B4GALT6: variants seen among roughly 807,000 people sequenced by gnomAD.
The protein encoded by B4GALT6 is UDP-Gal:beta-GlcNAc beta-1,4-galactosyltransferase 6.
A neutral mutation model predicts 46.3 loss-of-function variants in B4GALT6; 14 were observed. The ratio of observed to expected loss-of-function variants is 0.30; its 90% CI spans 0.20 to 0.47. The LOEUF (loss-of-function observed/expected upper bound fraction) is 0.47. Ranked by LOEUF, B4GALT6 falls within the 20% of genes least tolerant of loss-of-function variation. The pLI is 0.99. For synonymous variants in B4GALT6, 168 were observed against 162.0 expected, an observed-to-expected ratio of 1.04 and a Z score of -0.28; for missense variants, 386 against 480.1, an observed-to-expected ratio of 0.80 and a Z score of 1.83.
chr18:31,693,948 G>C, the B4GALT6 span, among the ~76,000 whole-genome samples: 4 of 152,198 alleles, frequency 2.6e-5, no homozygotes, highest in African/African-American at 4.8e-5. Flanking sequence ...GGGAGACAGA[G>C]TGAGGCTCTA....
chr18:31,661,395 G>A (rs188148139), intron 2 of B4GALT6, among the ~76,000 whole-genome samples: 5 of 152,158 alleles, frequency 3.3e-5, no homozygotes, highest in Non-Finnish European at 5.9e-5. Context: ...AGTGAGCTAG[G>A]AGACTGTTAT....
chr18:31,708,094 TG>T, the B4GALT6 span, among the ~76,000 whole-genome samples: 1 of 152,216 alleles, frequency 6.6e-6, no homozygotes, highest in African/African-American at 2.4e-5. Context: ...TGATCACCTA[TG>T]AAATTTGGTC....
At chr18:31,667,374 A>C (rs891788160) in intron 1 of B4GALT6, among the ~76,000 whole-genome samples, 3 of 152,236 alleles carry the variant, frequency 2.0e-5, no homozygotes, top group Non-Finnish European at 4.4e-5. Context: ...TGAATGACTC[A>C]ATTTTAAGAT....
intron 6 of B4GALT6, 35 bp from the exon 7 acceptor site, chr18:31,627,156 A>G: frequency 6.4e-7 from 1 of 1,550,756 alleles, no homozygotes; most frequent in Non-Finnish European, 8.7e-7. Context: ...TAAAAATAAA[A>G]TCATAATAAT....
At chr18:31,679,326 T>C (rs775626698) in intron 1 of B4GALT6, among the ~76,000 whole-genome samples, 15 of 152,218 alleles carry the variant, frequency 9.9e-5, no homozygotes, top group Non-Finnish European at 1.3e-4. Context: ...GCCATGGGAT[T>C]TGGATTAGTT....
At chr18:31,687,106 G>A (rs1462624262), upstream of B4GALT6, among the ~76,000 whole-genome samples, 1 of 151,998 alleles carries the variant, frequency 6.6e-6, no homozygotes, top group Admixed American at 6.6e-5. Context: ...TCTCTTGTTC[G>A]GCAAGTGTCC....
chr18:31,687,889 T>G (rs1359579311), upstream of B4GALT6, among the ~76,000 whole-genome samples: 1 of 152,180 alleles, frequency 6.6e-6, no homozygotes, highest in African/African-American at 2.4e-5. Context: ...ACTTAGTCTG[T>G]GCTGACTGAG....
At chr18:31,656,417 A>G (rs1459423636) in intron 3 of B4GALT6, among the ~76,000 whole-genome samples, 1 of 152,154 alleles carries the variant, frequency 6.6e-6, no homozygotes, top group African/African-American at 2.4e-5. Context: ...TAGAAGATAC[A>G]CACACAAAAA....
At chr18:31,685,459 C>T (rs1360057480), upstream of B4GALT6, among the ~76,000 whole-genome samples, 1 of 151,482 alleles carries the variant, frequency 6.6e-6, no homozygotes, top group Non-Finnish European at 1.5e-5. Flanking sequence ...CGCGCGCTCG[C>T]TCGGAACTCG....
the B4GALT6 span, among the ~76,000 whole-genome samples, chr18:31,702,475 C>A: frequency 6.6e-6 from 1 of 152,188 alleles, no homozygotes; most frequent in South Asian, 2.1e-4. Flanking sequence ...TAAGTTGATA[C>A]AGCCTGACAG....
At chr18:31,627,853 A>G (rs1374753113) in intron 6 of B4GALT6, among the ~76,000 whole-genome samples, 1 of 152,210 alleles carries the variant, frequency 6.6e-6, no homozygotes, top group Admixed American at 6.5e-5. Context: ...TCTGACATTT[A>G]GGCAGCATCC....
the B4GALT6 span, among the ~76,000 whole-genome samples, chr18:31,700,104 A>C: frequency 6.6e-6 from 1 of 152,204 alleles, no homozygotes; most frequent in South Asian, 2.1e-4. Flanking sequence ...CCTGGTGGTC[A>C]CACATAAAGA....
At chr18:31,676,154 A>G (rs749614855) in intron 1 of B4GALT6, among the ~76,000 whole-genome samples, 13 of 152,174 alleles carry the variant, frequency 8.5e-5, no homozygotes, top group Non-Finnish European at 1.8e-4. Context: ...CACTATAATT[A>G]GAAGTCATAA....
At chr18:31,709,555 G>A in the B4GALT6 span, among the ~76,000 whole-genome samples, 15 of 8,034 alleles carry the variant, frequency 1.9e-3, no homozygotes, top group African/African-American at 3.3e-3. Flanking sequence ...GGATATATAT[G>A]TGTGTGTGTG....
chr18:31,670,188 G>C (rs1452352593), intron 1 of B4GALT6, among the ~76,000 whole-genome samples: 3 of 151,890 alleles, frequency 2.0e-5, no homozygotes, highest in Non-Finnish European at 4.4e-5. Flanking sequence ...CAAGTAGCTG[G>C]AACTGCAGGC....
At chr18:31,687,062 G>A (rs1355181512), upstream of B4GALT6, among the ~76,000 whole-genome samples, 1 of 152,172 alleles carries the variant, frequency 6.6e-6, no homozygotes, top group Non-Finnish European at 1.5e-5. Context: ...ACTGCCATCG[G>A]TTTCTCCCCT....
chr18:31,688,107 A>T (rs981542693), upstream of B4GALT6, among the ~76,000 whole-genome samples: 12 of 152,172 alleles, frequency 7.9e-5, no homozygotes, highest in East Asian at 2.3e-3. Flanking sequence ...TAGTCTCAGC[A>T]TCTGAGACTC....
chr18:31,699,094 A>C, the B4GALT6 span, among the ~76,000 whole-genome samples: 1 of 150,950 alleles, frequency 6.6e-6, no homozygotes, highest in Non-Finnish European at 1.5e-5. Flanking sequence ...AAAAAAAAAA[A>C]GAAAGAAAGA....
At chr18:31,705,454 T>C in the B4GALT6 span, among the ~76,000 whole-genome samples, 7 of 152,188 alleles carry the variant, frequency 4.6e-5, no homozygotes, top group Non-Finnish European at 1.0e-4. Context: ...AATGGTGTAA[T>C]CTCGGCTCAC....
Sources: gnomAD v4.1 joint callset for allele counts (sites outside exome capture counted in the v4.1 genomes callset) on GRCh38, gnomAD v4.1.1 for gene constraint, MANE v1.5 for transcripts, NCBI Gene and HGNC (gene_info 2026-07-23, HGNC 2026-07-21) for gene names.